The following FOXN3 variants were observed in gnomAD, a reference collection of about 807,000 sequenced individuals.
FOXN3 encodes the protein forkhead box N3.
A neutral mutation model predicts 38.4 loss-of-function variants in FOXN3; 7 were observed. The ratio of observed to expected loss-of-function variants is 0.18; its 90% CI spans 0.10 to 0.34. The LOEUF (loss-of-function observed/expected upper bound fraction) is 0.34, where lower values mean the gene tolerates loss of function less well. Among genes scored for constraint, FOXN3 ranks in the 10% least tolerant of loss-of-function variants. The pLI is 1.00. For missense variants in FOXN3, 456 were observed against 613.4 expected (o/e 0.74, Z 2.71); for synonymous variants, 230 against 242.2 (o/e 0.95, Z 0.47).
intron 1 of FOXN3, among the ~76,000 whole-genome samples, chr14:89,598,766 G>A (rs2139936266): frequency 6.6e-6 from 1 of 152,254 alleles, no homozygotes; most frequent in South Asian, 2.1e-4. Context: ...AAGATAAGAG[G>A]TACCCACTCC....
In FOXN3 at chr14:89,548,465, TATTC is replaced by T. The variant is rs1165211876; in HGVS notation, c.-15+70559_-15+70562del. Among the ~76,000 whole-genome samples, 1 of 152,212 alleles carries T rather than the reference TATTC, an allele frequency of 6.6e-6. No individual in the cohort carries two copies. The highest frequency in any genetic ancestry group is 1.5e-5 in the Non-Finnish European group (1 of 68,030). ...TCAAAGCGGTAGATAATTTAAAAAT[TATTC>T]ATATTTGACTCTAGGACACCAACAA... On this transcript the variant is annotated intron_variant, in intron 1 of 6. Coordinates refer to the FOXN3 transcript ENST00000345097. The surrounding 1 kb of genome is among the most constrained non-coding windows in gnomAD (Gnocchi z 4.8).
chr14:89,229,291 TTTG>T (rs1247502359), intron 4 of FOXN3, among the ~76,000 whole-genome samples: 1 of 152,202 alleles, frequency 6.6e-6, no homozygotes, highest in African/African-American at 2.4e-5. Flanking sequence ...AGTCAAAGAT[TTTG>T]TTGTACAAAA....
chr14:89,488,638 A>C (rs952321985), intron 1 of FOXN3, among the ~76,000 whole-genome samples: 11 of 151,920 alleles, frequency 7.2e-5, no homozygotes, highest in Non-Finnish European at 1.3e-4. Context: ...AAAAAAAAAA[A>C]AACTACATCC....
At chr14:89,354,601 T>C (rs1010812642) in intron 2 of FOXN3, among the ~76,000 whole-genome samples, 2 of 142,436 alleles carry the variant, frequency 1.4e-5, no homozygotes, top group Non-Finnish European at 3.1e-5. Context: ...ATGCCTGTAA[T>C]CCCAGCACTT....
chr14:89,542,491 T>G (rs988269311), intron 1 of FOXN3, among the ~76,000 whole-genome samples: 33 of 152,212 alleles, frequency 2.2e-4, no homozygotes, highest in Non-Finnish European at 4.4e-4. Context: ...ATTAATAAAG[T>G]TCAGCATGAT....
intron 4 of FOXN3, among the ~76,000 whole-genome samples, chr14:89,219,128 C>T (rs1235770128): frequency 6.6e-6 from 1 of 152,188 alleles, no homozygotes; most frequent in Non-Finnish European, 1.5e-5. Context: ...AATCTCATGT[C>T]GAATTGTAAT....
At chr14:89,388,452 C>T (rs1890851004) in intron 2 of FOXN3, among the ~76,000 whole-genome samples, 1 of 152,108 alleles carries the variant, frequency 6.6e-6, no homozygotes, top group South Asian at 2.1e-4. Flanking sequence ...CTTGGCTCTG[C>T]CCTTATCAAG....
intron 4 of FOXN3, among the ~76,000 whole-genome samples, chr14:89,212,916 G>A (rs557324517): frequency 1.1e-3 from 173 of 152,258 alleles, no homozygotes; most frequent in Non-Finnish European, 2.2e-3. Context: ...AAAGAGATAC[G>A]TTATAAAAAA....
chr14:89,298,848 T>C (rs1887129515), intron 3 of FOXN3, among the ~76,000 whole-genome samples: 2 of 152,226 alleles, frequency 1.3e-5, no homozygotes, highest in South Asian at 4.1e-4. Flanking sequence ...TCTTGGTTAC[T>C]ACACCAAGAA....
At chr14:89,302,303 C>T (rs936310842) in intron 3 of FOXN3, among the ~76,000 whole-genome samples, 1 of 152,158 alleles carries the variant, frequency 6.6e-6, no homozygotes, top group African/African-American at 2.4e-5. Flanking sequence ...CACTTCTTGG[C>T]CATAGTTATG....
chr14:89,204,866 G>A (rs1192212152), intron 4 of FOXN3, among the ~76,000 whole-genome samples: 1 of 150,842 alleles, frequency 6.6e-6, no homozygotes, highest in Non-Finnish European at 1.5e-5. Context: ...ATCCATCATT[G>A]AGAACAAAAG....
At chr14:89,227,024 C>T (rs946875838) in intron 4 of FOXN3, among the ~76,000 whole-genome samples, 7 of 152,176 alleles carry the variant, frequency 4.6e-5, no homozygotes, top group Admixed American at 3.3e-4. Context: ...TACTTTGTTA[C>T]GGCAGCCCTA....
chr14:89,245,039 G>A (rs181973995), intron 4 of FOXN3, among the ~76,000 whole-genome samples: 1 of 152,340 alleles, frequency 6.6e-6, no homozygotes, highest in African/African-American at 2.4e-5. Flanking sequence ...GGATGGAAGT[G>A]CTACAGAAGG....
intron 1 of FOXN3, among the ~76,000 whole-genome samples, chr14:89,413,112 G>C (rs997350068): frequency 7.9e-5 from 12 of 152,036 alleles, no homozygotes; most frequent in African/African-American, 2.7e-4. Flanking sequence ...AATAACATCT[G>C]ATGAGAAAAG....
chr14:89,383,863 G>C (rs1257073517), intron 2 of FOXN3, among the ~76,000 whole-genome samples: 3 of 150,810 alleles, frequency 2.0e-5, no homozygotes, highest in African/African-American at 7.3e-5. Flanking sequence ...GATCTCAGCT[G>C]ACTGCAAACT....
intron 4 of FOXN3, among the ~76,000 whole-genome samples, chr14:89,182,706 T>C (rs975236341): frequency 1.2e-4 from 19 of 152,246 alleles, no homozygotes; most frequent in African/African-American, 4.1e-4. Flanking sequence ...ACCTAATTTA[T>C]CTTATCTGAT....
chr14:89,368,523 T>C (rs1890222042), intron 2 of FOXN3, among the ~76,000 whole-genome samples: 1 of 151,922 alleles, frequency 6.6e-6, no homozygotes, highest in Admixed American at 6.6e-5. Flanking sequence ...TACACGCCTG[T>C]AGTCCCAGCT....
chr14:89,545,520 A>C (rs1348464683), intron 1 of FOXN3, among the ~76,000 whole-genome samples: 1 of 152,172 alleles, frequency 6.6e-6, no homozygotes, highest in Non-Finnish European at 1.5e-5. Flanking sequence ...CCCAGCTCCC[A>C]GTCCATTACA....
intron 2 of FOXN3, among the ~76,000 whole-genome samples, chr14:89,385,498 T>G (rs1421684846): frequency 1.6e-5 from 1 of 62,772 alleles, no homozygotes; most frequent in Non-Finnish European, 3.5e-5. Context: ...AGGCAAACAT[T>G]TAAAAAAAAA....
Sources: gnomAD v4.1 joint callset for allele counts (sites outside exome capture counted in the v4.1 genomes callset) on GRCh38, gnomAD v4.1.1 for gene constraint, Gnocchi (gnomAD v3.1) non-coding constraint, MANE v1.5 for transcripts, NCBI Gene and HGNC (gene_info 2026-07-23, HGNC 2026-07-21) for gene names.